RADX: variants seen among roughly 807,000 people sequenced by gnomAD.
RADX encodes RPA-related protein RADX.
Under a neutral mutation model 61.6 loss-of-function variants are expected in RADX, and 36 were observed. The ratio of observed to expected loss-of-function variants is 0.58; its 90% CI spans 0.45 to 0.77. The LOEUF (loss-of-function observed/expected upper bound fraction) is 0.77, where lower values mean the gene tolerates loss of function less well. Among genes scored for constraint, RADX ranks in the 30% least tolerant of loss-of-function variants. RADX has a pLI of 0.00. For synonymous variants in RADX, 272 were observed against 237.9 expected (o/e 1.14, Z -1.32); for missense variants, 497 against 651.1 (o/e 0.76, Z 2.58).
intron 3 of RADX, among the ~76,000 whole-genome samples, chrX:106,627,841 T>G (rs1054757623): frequency 9.0e-6 from 1 of 111,436 alleles, no homozygotes; most frequent in African/African-American, 3.3e-5. Context: ...ATTTATTTAT[T>G]TATTTATTTT....
chrX:106,643,432 A>G lies in RADX; in HGVS notation c.1904+2711A>G, dbSNP rs186907395. On this transcript the variant is annotated intron_variant, in intron 10 of 13. Coordinates refer to ENST00000372548, the MANE Select transcript of RADX (RefSeq NM_018015.6). ...ACGAATGTCCTGTAGATTTTGCCCA[A>G]TGTTTTCCTGTAGTAGTTTCATATC... Among the ~76,000 whole-genome samples, 128 of 110,603 alleles carry G rather than the reference A, an allele frequency of 1.2e-3. 1 individual carries two copies. Among genetic ancestry groups the G allele is most frequent in the African/African-American group, 4.0e-3 (119 of 29,867 alleles).
At chrX:106,674,492 G>A (rs1440722346) in intron 13 of RADX, among the ~76,000 whole-genome samples, 1 of 111,576 alleles carries the variant, frequency 9.0e-6, no homozygotes. Context: ...TAACAACAGC[G>A]ATCCTAATGG....
chrX:106,652,983 CAAAA>C (rs35694143), intron 11 of RADX, among the ~76,000 whole-genome samples: 3 of 55,059 alleles, frequency 5.4e-5, no homozygotes, highest in African/African-American at 9.9e-5. Context: ...GAGATTCTGT[CAAAA>C]AAAAAAAAAA....
intron 11 of RADX, among the ~76,000 whole-genome samples, chrX:106,657,484 T>C (rs1406232063): frequency 8.9e-6 from 1 of 112,378 alleles, no homozygotes; most frequent in African/African-American, 3.2e-5. Context: ...TGGCTAATTG[T>C]TTGGCTCAGA....
At position 106,622,629 on chromosome X, in the gene RADX, T is replaced by C. The variant is rs186779228; in HGVS notation, c.644-22T>C. On this transcript the variant is annotated intron_variant, in intron 1 of 13. Coordinates refer to ENST00000372548, the MANE Select transcript of RADX (RefSeq NM_018015.6). ...ACCATTACATGTTAAACAGGATTTC[T>C]TTCCTCTTTTTTATATTCTAGATAC... The C allele has an allele frequency of 1.2e-5, 13 of 1,048,523 alleles. No individual in the cohort carries two copies. The African/African-American group carries it at 2.5e-4, about 20-fold the overall frequency. The allele number at this position is 1,048,523 out of a possible 1,213,427, so 86.4% of individuals were successfully genotyped here.
intron 12 of RADX, among the ~76,000 whole-genome samples, chrX:106,666,923 A>G (rs1928241149): frequency 3.6e-5 from 4 of 112,249 alleles, no homozygotes; most frequent in Admixed American, 1.9e-4. Context: ...CTTAAATTCT[A>G]TTATTGAAAA....
At chrX:106,647,035 T>C (rs755154326) in intron 10 of RADX, among the ~76,000 whole-genome samples, 2 of 110,555 alleles carry the variant, frequency 1.8e-5, no homozygotes, top group Non-Finnish European at 3.8e-5. Flanking sequence ...GTGAAGTTAT[T>C]ATGGACTATA....
chrX:106,640,499 G>A (rs1447532094), intron 9 of RADX, 53 bp from the exon 10 acceptor site: 22 of 888,669 alleles, frequency 2.5e-5, no homozygotes, highest in Non-Finnish European at 2.9e-5. Flanking sequence ...TCTTTTATGA[G>A]ATTAATAATT....
In RADX at chrX:106,679,323, T is replaced by C. The variant is rs1356783404; in HGVS notation, c.*1065T>C. On this transcript the variant is annotated 3_prime_UTR_variant, in exon 14 of 14. Transcript: ENST00000372548. ...TATGAACCTAAAGACATACTGCAGT[T>C]TGTTCATAAATGTATTCAGTCTTTT... The C allele has an allele frequency of 1.8e-5, 2 of 112,335 alleles. No individual in the cohort carries two copies. Among genetic ancestry groups the C allele is most frequent in the Non-Finnish European group, 3.8e-5 (2 of 53,255 alleles). 9.3% of individuals were successfully genotyped at this position (112,335 alleles called of 1,213,427 possible).
chrX:106,632,345 G>A (rs1449609257), intron 3 of RADX, among the ~76,000 whole-genome samples: 1 of 111,338 alleles, frequency 9.0e-6, no homozygotes, highest in African/African-American at 3.3e-5. Flanking sequence ...CAAAAACAAA[G>A]CCAAATAGGA....
chrX:106,618,389 A>G (rs990704905), intron 1 of RADX, among the ~76,000 whole-genome samples: 3 of 111,484 alleles, frequency 2.7e-5, no homozygotes, highest in Non-Finnish European at 5.7e-5. Flanking sequence ...CCAGTGTATG[A>G]TTCATTAGGT....
At chrX:106,660,324 T>C (rs1386886672) in intron 11 of RADX, among the ~76,000 whole-genome samples, 1 of 112,174 alleles carries the variant, frequency 8.9e-6, no homozygotes, top group Admixed American at 9.5e-5. Flanking sequence ...TATTGCAATA[T>C]TTTAAATTCC....
chrX:106,670,400 A>G (rs1444389556), intron 13 of RADX, among the ~76,000 whole-genome samples: 1 of 110,540 alleles, frequency 9.0e-6, no homozygotes, highest in Non-Finnish European at 1.9e-5. Context: ...TACTATTGAT[A>G]TAAAATACCA....
At chrX:106,659,088 T>C (rs1462255163) in intron 11 of RADX, among the ~76,000 whole-genome samples, 1 of 110,842 alleles carries the variant, frequency 9.0e-6, no homozygotes, top group African/African-American at 3.3e-5. Context: ...AGCTACCAAG[T>C]AGATGGAACC....
At chrX:106,661,744 A>G (rs1188906992) in intron 11 of RADX, among the ~76,000 whole-genome samples, 5 of 112,095 alleles carry the variant, frequency 4.5e-5, no homozygotes, top group African/African-American at 1.6e-4. Flanking sequence ...AAGTAGAAAG[A>G]ACGTAATTAC....
chrX:106,632,412 A>G (rs1271679802), intron 3 of RADX, among the ~76,000 whole-genome samples: 1 of 111,614 alleles, frequency 9.0e-6, no homozygotes, highest in East Asian at 2.8e-4. Flanking sequence ...ATAGAACACA[A>G]AGTTCTCAAA....
At chrX:106,629,910 G>A (rs191778149) in intron 3 of RADX, among the ~76,000 whole-genome samples, 7 of 111,756 alleles carry the variant, frequency 6.3e-5, no homozygotes, top group South Asian at 3.7e-4. Flanking sequence ...TGTGTCACCC[G>A]CCATTTTTAC....
chrX:106,612,722 C>T lies in RADX; in HGVS notation c.642C>T (p.Ser214=). 8.5e-7 allele frequency: 1 copy of T among 1,182,318 alleles called. No homozygotes were observed. The highest frequency in any genetic ancestry group is 3.0e-5 in the East Asian group (1 of 33,559). ...AGCAACCTGAGGAACACAACTTTAG[C>T]GGTAAGTGTTTGGAAAGAACGGCAG... ...TDKQPEEHNF[S]DTKIISLSHL... Residue 214 remains serine, a splice_region_variant and synonymous_variant, in exon 1 of 14, where the codon AGC becomes AGT. Transcript: ENST00000372548.
At chrX:106,621,532 C>T (rs1373690341) in intron 1 of RADX, among the ~76,000 whole-genome samples, 1 of 112,029 alleles carries the variant, frequency 8.9e-6, no homozygotes, top group Non-Finnish European at 1.9e-5. Context: ...AGGAAGAATA[C>T]ATCAGTATTA....
Sources: gnomAD v4.1 joint callset for allele counts (sites outside exome capture counted in the v4.1 genomes callset) on GRCh38, gnomAD v4.1.1 for gene constraint, MANE v1.5 for transcripts, NCBI Gene and HGNC (gene_info 2026-07-23, HGNC 2026-07-21) for gene names.